Variants in CUX1 observed in about 807,000 individuals in gnomAD.
The protein encoded by CUX1 is cut like homeobox 1, also known as protein CASP.
CUX1 carries 31 observed loss-of-function variants against 158.8 expected under a neutral mutation model. That is an observed-to-expected ratio of 0.20 (90% confidence interval 0.15 to 0.26). CUX1 has a LOEUF of 0.26. CUX1 is among the 10% of genes least tolerant of loss of function. CUX1 has a pLI of 1.00. For synonymous variants in CUX1, 879 were observed against 862.1 expected, an observed-to-expected ratio of 1.02 and a Z score of -0.34; for missense variants, 1,589 against 2,014.6, an observed-to-expected ratio of 0.79 and a Z score of 4.04.
Position 102,253,331 on chromosome 7 carries a change from T to A in CUX1, c.*4289T>A. The A allele has an allele frequency of 5.1e-6, 5 of 985,494 alleles. No individual in the cohort carries two copies. The highest frequency in any genetic ancestry group is 1.1e-4 in the East Asian group (1 of 8,810). The allele number at this position is 985,494 out of a possible 1,614,324, so 61.0% of individuals were successfully genotyped here. A position where few individuals can be genotyped will look rare whatever the true frequency, so the allele number is the denominator to read the frequency against. ...TCAGGCGTGCAGCTCATGACCAGTT[T>A]ACACAGGCTGCAAAGAGATCGCTGT... On this transcript the variant is annotated 3_prime_UTR_variant, in exon 24 of 24. Transcript: ENST00000292535.
At chr7:102,260,702 G>A (rs1255640353), downstream of CUX1, among the ~76,000 whole-genome samples, 1 of 151,646 alleles carries the variant, frequency 6.6e-6, no homozygotes, top group African/African-American at 2.4e-5. Flanking sequence ...GGGATTACAG[G>A]CGTGAGCCAC....
chr7:102,222,092 C>G (rs1554527129), intron 20 of CUX1, among the ~76,000 whole-genome samples: 1 of 152,108 alleles, frequency 6.6e-6, no homozygotes, highest in East Asian at 1.9e-4. Flanking sequence ...GACCCCATCT[C>G]TCTACAAAAT....
chr7:102,120,025 G>A (rs1279759918), intron 8 of CUX1, among the ~76,000 whole-genome samples: 8 of 152,270 alleles, frequency 5.3e-5, no homozygotes, highest in South Asian at 4.1e-4. Flanking sequence ...ATGGATGGCC[G>A]TGGAGGTGGC....
chr7:101,999,005 G>A lies in CUX1; in HGVS notation c.142-29093G>A, dbSNP rs561277422. On this transcript the variant is annotated intron_variant, in intron 2 of 23. Coordinates refer to ENST00000292535, the MANE Select transcript of CUX1 (RefSeq NM_181552.4). ...TCCTCGGGCAGGAGCCTAGCTTGCA[G>A]AGGACAGACAGGCAGGAATGCTGGC... Among the ~76,000 whole-genome samples, 30 of 152,170 alleles carry A rather than the reference G, an allele frequency of 2.0e-4. No individual in the cohort carries two copies. The South Asian group carries it at 5.6e-3, about 28-fold the overall frequency.
At chr7:102,139,071 C>G (rs1322393569) in intron 8 of CUX1, among the ~76,000 whole-genome samples, 2 of 151,558 alleles carry the variant, frequency 1.3e-5, no homozygotes, top group African/African-American at 4.9e-5. Flanking sequence ...ATGGAGAAAC[C>G]CCATCTGTAC....
intron 2 of CUX1, among the ~76,000 whole-genome samples, chr7:101,958,337 C>T (rs1215835387): frequency 1.3e-5 from 2 of 149,850 alleles, no homozygotes; most frequent in Non-Finnish European, 3.0e-5. Context: ...CTGGGCCCTA[C>T]TTGGGAGCCA....
intron 18 of CUX1, chr7:102,278,106 C>A (rs1408525834): frequency 2.1e-6 from 3 of 1,456,442 alleles, no homozygotes; most frequent in African/African-American, 1.4e-5. Context: ...GTGGACCAGG[C>A]AGGGAGAGAG....
intron 14 of CUX1, among the ~76,000 whole-genome samples, chr7:102,272,881 C>T (rs1181650316): frequency 6.6e-6 from 1 of 152,174 alleles, no homozygotes; most frequent in East Asian, 1.9e-4. Flanking sequence ...GGCACCCCTA[C>T]GCGCCCCACT....
At chr7:102,132,085 AT>A (rs1833307550) in intron 8 of CUX1, among the ~76,000 whole-genome samples, 1 of 152,014 alleles carries the variant, frequency 6.6e-6, no homozygotes, top group African/African-American at 2.4e-5. Context: ...TTTAAGCATG[AT>A]GCCAAAAGTA....
chr7:102,158,582 A>G lies in CUX1; in HGVS notation c.697A>G (p.Met233Val). The G allele has an allele frequency of 1.2e-6, 2 of 1,613,912 alleles. No homozygotes were observed. Among genetic ancestry groups the G allele is most frequent in the South Asian group, 2.2e-5 (2 of 91,044 alleles). Residue 233 changes from methionine to valine, a missense_variant, in exon 9 of 24, where the codon ATG (methionine) becomes GTG (valine). Transcript: ENST00000292535. ...TAGGGCCGACGAGATTGAAATGATCATGACGGACCTTGAAAGGGCAAACCA... is the reference window on the plus strand; with the variant it reads ...TAGGGCCGACGAGATTGAAATGATCGTGACGGACCTTGAAAGGGCAAACCA... ...TAKADEIEMI[M>V]TDLERANQRA...
At chr7:102,069,023 ATC>A (rs939119759) in intron 3 of CUX1, among the ~76,000 whole-genome samples, 9 of 152,312 alleles carry the variant, frequency 5.9e-5, no homozygotes, top group African/African-American at 2.2e-4. Context: ...CTAATCTGGA[ATC>A]CCCGGGACCG....
chr7:101,941,436 C>A (rs1217696836), intron 2 of CUX1, among the ~76,000 whole-genome samples: 1 of 152,138 alleles, frequency 6.6e-6, no homozygotes, highest in East Asian at 1.9e-4. Flanking sequence ...CCTAACTGTT[C>A]CTGGAGAATC....
At chr7:102,226,000 G>A (rs1359594194) in intron 20 of CUX1, among the ~76,000 whole-genome samples, 2 of 152,270 alleles carry the variant, frequency 1.3e-5, no homozygotes, top group African/African-American at 2.4e-5. Context: ...TCAGCCCGAA[G>A]CCACATCTTC....
intron 12 of CUX1, among the ~76,000 whole-genome samples, chr7:102,191,473 TCCAC>T (rs1794266477): frequency 6.6e-6 from 1 of 152,136 alleles, no homozygotes; most frequent in African/African-American, 2.4e-5. Context: ...CCTCAGGTGA[TCCAC>T]CCACCTCAGC....
chr7:102,208,893 A>G (rs1796220525), intron 20 of CUX1, among the ~76,000 whole-genome samples: 1 of 152,224 alleles, frequency 6.6e-6, no homozygotes, highest in Admixed American at 6.5e-5. Flanking sequence ...AGAAATGCTC[A>G]GTGCTTGAGA....
In CUX1 at chr7:102,254,648, A is replaced by G. The variant is rs1341328697; in HGVS notation, c.*5606A>G. On this transcript the variant is annotated 3_prime_UTR_variant, in exon 24 of 24. Transcript: ENST00000292535. ...CCTGTGCTTGGGCATTGACCAGCCA[A>G]AGCTCACATTTAGAAAGCCCTCAGT... The G allele has an allele frequency of 1.0e-6, 1 of 985,312 alleles. No individual in the cohort carries two copies. The highest frequency in any genetic ancestry group is 1.7e-5 in the African/African-American group (1 of 57,226). The allele number at this position is 985,312 out of a possible 1,614,324, so 61.0% of individuals were successfully genotyped here.
chr7:102,083,228 C>G (rs145152321), intron 4 of CUX1, among the ~76,000 whole-genome samples: 6 of 147,204 alleles, frequency 4.1e-5, no homozygotes, highest in African/African-American at 1.5e-4. Flanking sequence ...TTGCATTTTC[C>G]TGATGATTAA....
intron 2 of CUX1, among the ~76,000 whole-genome samples, chr7:101,988,919 A>G (rs1814706199): frequency 1.3e-5 from 2 of 152,098 alleles, no homozygotes; most frequent in Admixed American, 1.3e-4. Flanking sequence ...GGATTGCTTC[A>G]GTCCTGGAGG....
At chr7:101,863,045 C>T (rs546639646) in intron 1 of CUX1, among the ~76,000 whole-genome samples, 4 of 152,206 alleles carry the variant, frequency 2.6e-5, no homozygotes, top group Non-Finnish European at 5.9e-5. Context: ...TCTCATCGCT[C>T]ACCCGACTTA....
Sources: gnomAD v4.1 joint callset for allele counts (sites outside exome capture counted in the v4.1 genomes callset) on GRCh38, gnomAD v4.1.1 for gene constraint, MANE v1.5 for transcripts, NCBI Gene and HGNC (gene_info 2026-07-23, HGNC 2026-07-21) for gene names.